The following USO1 variants were observed in gnomAD, a reference collection of about 807,000 sequenced individuals.
USO1 encodes general vesicular transport factor p115.
In USO1, 57 loss-of-function variants were observed where a neutral mutation model predicts 124.5. The observed-to-expected ratio is 0.46, with a 90% CI of 0.37 to 0.57. The LOEUF (loss-of-function observed/expected upper bound fraction) is 0.57, where lower values mean the gene tolerates loss of function less well. Ranked by LOEUF, USO1 falls within the 20% of genes least tolerant of loss-of-function variation. USO1 has a pLI of 0.00. For missense variants in USO1, 900 were observed against 1,040.6 expected (o/e 0.86, Z 1.86); for synonymous variants, 369 against 362.8 (o/e 1.02, Z -0.19).
rs764646499 is a variant in USO1 at position 75,809,030 on chromosome 4, G to A, written c.2454G>A (p.Leu818=). The A allele has an allele frequency of 2.5e-6, 4 of 1,601,070 alleles. No homozygotes were observed. The highest frequency in any genetic ancestry group is 1.7e-5 in the Admixed American group (1 of 58,010). The change falls in exon 21 of 24, where the codon CTG becomes CTA. Residue 818 remains leucine, a synonymous_variant. Coordinates refer to ENST00000514213, the MANE Select transcript of USO1 (RefSeq NM_003715.4). ...ITKLQTEKQE[L]LQKTEAFAKS... is the part of the protein sequence containing the mutation. ...AACTACAGACAGAAAAGCAGGAACTGTTACAGAAAACAGAAGCGTTTGTAA... is the reference window on the plus strand; with the variant it reads ...AACTACAGACAGAAAAGCAGGAACTATTACAGAAAACAGAAGCGTTTGTAA...
intron 1 of USO1, among the ~76,000 whole-genome samples, chr4:75,750,145 G>T (rs1007312918): frequency 1.3e-5 from 2 of 152,154 alleles, no homozygotes; most frequent in African/African-American, 4.8e-5. Context: ...TCGAACAGCA[G>T]AAGTGGGGTT....
intron 8 of USO1, among the ~76,000 whole-genome samples, chr4:75,775,732 G>T (rs990720794): frequency 6.6e-6 from 1 of 152,088 alleles, no homozygotes; most frequent in Non-Finnish European, 1.5e-5. Flanking sequence ...AAGACAGTAA[G>T]ACAAGAGAAC....
At chr4:75,774,932 C>CT in intron 8 of USO1, 136 bp downstream of exon 8, 1 of 1,286,630 alleles carries the variant, frequency 7.8e-7, no homozygotes, top group Non-Finnish European at 1.0e-6. Flanking sequence ...GGCATGTTGA[C>CT]TATCGATTTC....
At chr4:75,802,703 G>A (rs1722882207) in intron 17 of USO1, among the ~76,000 whole-genome samples, 1 of 143,968 alleles carries the variant, frequency 6.9e-6, no homozygotes. Context: ...TGTTTTTGAT[G>A]CTGAGGTTGC....
intron 21 of USO1, among the ~76,000 whole-genome samples, chr4:75,810,229 C>T (rs1464818934): frequency 6.6e-6 from 1 of 152,206 alleles, no homozygotes; most frequent in Non-Finnish European, 1.5e-5. Flanking sequence ...TCCTCGTACT[C>T]TTATGAGATT....
intron 8 of USO1, among the ~76,000 whole-genome samples, chr4:75,780,231 G>C (rs923350811): frequency 6.6e-6 from 1 of 152,048 alleles, no homozygotes; most frequent in Non-Finnish European, 1.5e-5. Flanking sequence ...ACCTGATCAC[G>C]CAAGAGCTCT....
intron 3 of USO1, among the ~76,000 whole-genome samples, chr4:75,756,732 C>G (rs899283345): frequency 6.6e-6 from 1 of 151,758 alleles, no homozygotes; most frequent in Non-Finnish European, 1.5e-5. Flanking sequence ...AGGCTGGTCT[C>G]GAACTCCCAA....
At chr4:75,777,212 AC>A (rs1319853537) in intron 8 of USO1, among the ~76,000 whole-genome samples, 2 of 152,204 alleles carry the variant, frequency 1.3e-5, no homozygotes, top group Non-Finnish European at 2.9e-5. Context: ...CTGTTTTCAC[AC>A]ATATTTTGGT....
chr4:75,771,194 A>G, intron 7 of USO1, 57 bp downstream of exon 7: 1 of 1,526,206 alleles, frequency 6.6e-7, no homozygotes, highest in Non-Finnish European at 8.8e-7. Flanking sequence ...TCTCTTGCAA[A>G]TGAAATCCTT....
At chr4:75,737,920 C>G (rs1197482540) in intron 1 of USO1, among the ~76,000 whole-genome samples, 4 of 151,718 alleles carry the variant, frequency 2.6e-5, no homozygotes, top group Non-Finnish European at 1.5e-5. Flanking sequence ...CTCCACCTCC[C>G]AGGTTCAAGC....
intron 10 of USO1, 23 bp downstream of exon 10, chr4:75,787,225 C>A: frequency 1.4e-6 from 2 of 1,459,658 alleles, no homozygotes; most frequent in Non-Finnish European, 9.1e-7. Context: ...AAGTCAAAGC[C>A]AACTCTGTGG....
chr4:75,757,659 G>A, intron 4 of USO1, 86 bp downstream of exon 4: 1 of 1,231,122 alleles, frequency 8.1e-7, no homozygotes, highest in East Asian at 3.5e-5. Context: ...AGTTGGACTT[G>A]TTTTATAAAT....
intron 9 of USO1, among the ~76,000 whole-genome samples, chr4:75,786,433 G>A (rs1722362788): frequency 6.9e-6 from 1 of 144,906 alleles, no homozygotes; most frequent in South Asian, 2.3e-4. Context: ...TGACACACAT[G>A]TAAAATGAAT....
intron 13 of USO1, among the ~76,000 whole-genome samples, chr4:75,794,272 CCTCTTTCT>C (rs1402943849): frequency 6.6e-6 from 1 of 152,030 alleles, no homozygotes; most frequent in African/African-American, 2.4e-5. Context: ...TGTGTATTTC[CCTCTTTCT>C]CTTCCCAAAG....
At chr4:75,740,448 T>C (rs1322008059) in intron 1 of USO1, among the ~76,000 whole-genome samples, 2 of 152,154 alleles carry the variant, frequency 1.3e-5, no homozygotes, top group Admixed American at 6.6e-5. Flanking sequence ...CCAACATGCC[T>C]GGTTAATTTT....
intron 13 of USO1, among the ~76,000 whole-genome samples, chr4:75,798,071 T>C (rs1027415673): frequency 2.6e-5 from 4 of 152,186 alleles, no homozygotes; most frequent in Non-Finnish European, 5.9e-5. Context: ...TTTATACCAT[T>C]TTGATTAGGT....
chr4:75,780,640 CTTTTTTTTTTTTT>C lies in USO1; in HGVS notation c.677-2027_677-2015del, dbSNP rs71210204. Among the ~76,000 whole-genome samples the C allele has an allele frequency of 1.5e-4, 9 of 59,160 alleles. No homozygotes were observed. The South Asian group carries it at 5.3e-3, about 35-fold the overall frequency. The allele number at this position is 59,160 out of a possible 152,430, so 38.8% of individuals were successfully genotyped here. ...CCCATGGATCAAGGATAAATTTTGA[CTTTTTTTTTTTTT>C]TTTTTTTTTTTTGAGATGGAGTCTC... On this transcript the variant is annotated intron_variant, in intron 8 of 23. Coordinates refer to ENST00000514213, the MANE Select transcript of USO1 (RefSeq NM_003715.4).
intron 1 of USO1, among the ~76,000 whole-genome samples, chr4:75,743,159 G>A (rs1721015080): frequency 6.6e-6 from 1 of 151,808 alleles, no homozygotes; most frequent in African/African-American, 2.4e-5. Flanking sequence ...TAATTTTCTT[G>A]TATTTTTAGT....
At chr4:75,790,340 G>T in intron 11 of USO1, 102 bp downstream of exon 11, 1 of 1,406,886 alleles carries the variant, frequency 7.1e-7, no homozygotes. Context: ...AAGTTTAGTT[G>T]TATGTTTTGG....
Sources: gnomAD v4.1 joint callset for allele counts (sites outside exome capture counted in the v4.1 genomes callset) on GRCh38, gnomAD v4.1.1 for gene constraint, MANE v1.5 for transcripts, NCBI Gene and HGNC (gene_info 2026-07-23, HGNC 2026-07-21) for gene names.